The following PTPRN2 variants were observed in gnomAD, a reference collection of about 807,000 sequenced individuals.
The protein encoded by PTPRN2 is receptor-type tyrosine-protein phosphatase N2.
In PTPRN2, 74 loss-of-function variants were observed where a neutral mutation model predicts 118.8. The observed-to-expected ratio is 0.62, with a 90% CI of 0.52 to 0.76. The LOEUF (loss-of-function observed/expected upper bound fraction) is 0.76, where lower values mean the gene tolerates loss of function less well. Among genes scored for constraint, PTPRN2 ranks in the 30% least tolerant of loss-of-function variants. The pLI is 0.00. For synonymous variants in PTPRN2, 641 were observed against 608.0 expected (o/e 1.05, Z -0.80); for missense variants, 1,481 against 1,394.4 (o/e 1.06, Z -0.99).
chr7:158,441,776 GTGGTGA>G (rs1205467714), intron 2 of PTPRN2, among the ~76,000 whole-genome samples: 6 of 50,032 alleles, frequency 1.2e-4, no homozygotes, highest in South Asian at 5.9e-4. Context: ...CATGGCAGTG[GTGGTGA>G]TGGTGATAGT....
intron 2 of PTPRN2, among the ~76,000 whole-genome samples, chr7:158,345,822 G>A (rs1352779257): frequency 6.6e-6 from 1 of 152,172 alleles, no homozygotes; most frequent in Non-Finnish European, 1.5e-5. Context: ...ACTAGTCATG[G>A]CAAAAGGCGA....
At chr7:158,266,064 G>A (rs1025906834) in intron 3 of PTPRN2, among the ~76,000 whole-genome samples, 60 of 151,536 alleles carry the variant, frequency 4.0e-4, no homozygotes, top group East Asian at 1.8e-3. Context: ...TGGGGACGGC[G>A]TCTGCTGCGG....
chr7:157,887,533 C>G (rs1389399782), intron 12 of PTPRN2, among the ~76,000 whole-genome samples: 1 of 104,434 alleles, frequency 9.6e-6, no homozygotes, highest in Non-Finnish European at 1.9e-5. Flanking sequence ...CCGCTTCCCC[C>G]AGTACCCGCT....
In PTPRN2 at chr7:157,550,026, A is replaced by G. The variant is rs1486889583; in HGVS notation, c.2903-1007T>C. On this transcript the variant is annotated intron_variant, in intron 21 of 22. Coordinates refer to ENST00000389418, the MANE Select transcript of PTPRN2 (RefSeq NM_002847.5). This position sits in a 1 kb window ranked among gnomAD's most constrained non-coding sequence, Gnocchi z 5.2. ...AGCCGCAGCCATTGGAACCCCAACT[A>G]CCGTGGGCAGGACAGCGCTGGCCGA... 6.6e-6 allele frequency among the ~76,000 whole-genome samples: 1 copy of G among 152,198 alleles called. No individual in the cohort carries two copies. The highest frequency in any genetic ancestry group is 1.5e-5 in the Non-Finnish European group (1 of 68,028).
intron 6 of PTPRN2, among the ~76,000 whole-genome samples, chr7:158,147,654 T>TCTTTCCCCCTCACTGACACCCCACCTCAC (rs1820282199): frequency 3.1e-5 from 1 of 32,494 alleles, no homozygotes; most frequent in Non-Finnish European, 6.2e-5. Context: ...CCCCATCTCA[T>TCTTTCCCCCTCACTGACACCCCACCTCAC]GCCACGTGTC....
Position 158,214,397 on chromosome 7 carries a change from T to TACACACACACAC in PTPRN2, c.278-9136_278-9125dup, listed in dbSNP as rs144370539. Among the ~76,000 whole-genome samples, 61 of 145,862 alleles carry TACACACACACAC rather than the reference T, an allele frequency of 4.2e-4. No individual in the cohort carries two copies. The South Asian group carries it at 4.3e-3, about 10-fold the overall frequency. ...GCCGCAATCCGGAAACACCAGCGTGTACACACACACACACACACACACACA... is the reference window on the plus strand; with the variant it reads ...GCCGCAATCCGGAAACACCAGCGTGTACACACACACACACACACACACACACACACACACACA... On this transcript the variant is annotated intron_variant, in intron 3 of 22. Coordinates refer to ENST00000389418, the MANE Select transcript of PTPRN2 (RefSeq NM_002847.5).
intron 2 of PTPRN2, among the ~76,000 whole-genome samples, chr7:158,407,186 G>GGTCCTGC (rs1813564518): frequency 5.7e-5 from 1 of 17,564 alleles, no homozygotes; most frequent in Admixed American, 8.5e-4. Context: ...CTGCGTCCTG[G>GGTCCTGC]GTCCTGGGTC....
intron 12 of PTPRN2, among the ~76,000 whole-genome samples, chr7:157,805,454 G>C (rs1805573108): frequency 6.6e-6 from 1 of 152,168 alleles, no homozygotes; most frequent in Non-Finnish European, 1.5e-5. Flanking sequence ...TTAGGCTGGA[G>C]TAAAATTCAG....
At chr7:158,396,604 A>G (rs1812530587) in intron 2 of PTPRN2, among the ~76,000 whole-genome samples, 1 of 151,968 alleles carries the variant, frequency 6.6e-6, no homozygotes. Flanking sequence ...GGCCACCCAG[A>G]GCTCTGAAGG....
At chr7:157,599,341 G>T (rs1801530413) in intron 16 of PTPRN2, among the ~76,000 whole-genome samples, 3 of 152,286 alleles carry the variant, frequency 2.0e-5, no homozygotes, top group South Asian at 2.1e-4. Flanking sequence ...AAGCCCATTT[G>T]TCTGTGTTGA....
At chr7:157,549,680 A>G (rs1410927165) in intron 21 of PTPRN2, among the ~76,000 whole-genome samples, 4 of 152,352 alleles carry the variant, frequency 2.6e-5, no homozygotes, top group African/African-American at 7.2e-5. Context: ...TTAATTCAGC[A>G]CATATTGTTA....
intron 5 of PTPRN2, among the ~76,000 whole-genome samples, chr7:158,187,851 T>C (rs1487583759): frequency 6.6e-6 from 1 of 152,170 alleles, no homozygotes; most frequent in Admixed American, 6.5e-5. Flanking sequence ...AGACCAGGAC[T>C]GTGAGGCCGA....
At position 157,801,559 on chromosome 7, in the gene PTPRN2, T is replaced by C. The variant is rs1805306752; in HGVS notation, c.1788+97114A>G. Among the ~76,000 whole-genome samples the C allele has an allele frequency of 6.6e-6, 1 of 152,100 alleles. No individual in the cohort carries two copies. The highest frequency in any genetic ancestry group is 1.5e-5 in the Non-Finnish European group (1 of 68,020). On this transcript the variant is annotated intron_variant, in intron 12 of 22. Transcript: ENST00000389418. The surrounding 1 kb of genome is among the most constrained non-coding windows in gnomAD (Gnocchi z 4.2). ...TGAGAAATCTGTGGGTGATAGAGTA[T>C]AGGTAAAAACATCTTAGCCTGCATG...
At chr7:158,118,960 C>G (rs1816937651) in intron 9 of PTPRN2, among the ~76,000 whole-genome samples, 1 of 152,114 alleles carries the variant, frequency 6.6e-6, no homozygotes, top group Non-Finnish European at 1.5e-5. Context: ...CTTTGGTCTC[C>G]CAAAGTACTG....
At chr7:157,667,955 G>A (rs1456118385) in intron 13 of PTPRN2, among the ~76,000 whole-genome samples, 1 of 152,236 alleles carries the variant, frequency 6.6e-6, no homozygotes, top group Non-Finnish European at 1.5e-5. Flanking sequence ...GAGTCACGTG[G>A]GACCATCCCC....
intron 11 of PTPRN2, among the ~76,000 whole-genome samples, chr7:158,002,326 C>T (rs545118856): frequency 2.0e-5 from 3 of 152,220 alleles, no homozygotes; most frequent in South Asian, 2.1e-4. Flanking sequence ...GAGGCAGGGA[C>T]GTGTTTTGGG....
At chr7:158,083,028 A>G (rs934783031) in intron 10 of PTPRN2, among the ~76,000 whole-genome samples, 1 of 152,138 alleles carries the variant, frequency 6.6e-6, no homozygotes, top group African/African-American at 2.4e-5. Flanking sequence ...CTCGCTCATG[A>G]GTGCTGAGTT....
intron 12 of PTPRN2, among the ~76,000 whole-genome samples, chr7:157,687,708 T>C (rs974410130): frequency 2.0e-5 from 3 of 152,230 alleles, no homozygotes; most frequent in Admixed American, 6.5e-5. Context: ...GGAAATTTCA[T>C]TCTAAATTTA....
At chr7:158,073,604 T>TG (rs1247812394) in intron 11 of PTPRN2, among the ~76,000 whole-genome samples, 1 of 151,196 alleles carries the variant, frequency 6.6e-6, no homozygotes, top group Non-Finnish European at 1.5e-5. Context: ...TACTAAGGTA[T>TG]GAAGACACTG....
Sources: gnomAD v4.1 joint callset for allele counts (sites outside exome capture counted in the v4.1 genomes callset) on GRCh38, gnomAD v4.1.1 for gene constraint, Gnocchi (gnomAD v3.1) non-coding constraint, MANE v1.5 for transcripts, NCBI Gene and HGNC (gene_info 2026-07-23, HGNC 2026-07-21) for gene names.